The following KIF5C variants were observed in gnomAD, a reference collection of about 807,000 sequenced individuals.
KIF5C encodes the protein kinesin family member 5C, also known as kinesin heavy chain isoform 5C.
In KIF5C, 18 loss-of-function variants were observed where a neutral mutation model predicts 125.2. The observed-to-expected ratio is 0.14, with a 90% CI of 0.10 to 0.21. The LOEUF is 0.21. KIF5C is among the 10% of genes least tolerant of loss of function. The pLI is 1.00. For synonymous variants in KIF5C, 405 were observed against 434.0 expected (o/e 0.93, Z 0.83); for missense variants, 780 against 1,183.8 (o/e 0.66, Z 5.01).
intron 11 of KIF5C, among the ~76,000 whole-genome samples, chr2:148,962,426 A>G: frequency 6.7e-6 from 1 of 150,168 alleles, no homozygotes; most frequent in East Asian, 2.0e-4. Context: ...TGATCCACCC[A>G]CCTTGGCCTC....
intron 23 of KIF5C, among the ~76,000 whole-genome samples, chr2:149,008,711 G>A (rs1271417337): frequency 2.6e-5 from 4 of 152,184 alleles, no homozygotes; most frequent in African/African-American, 9.7e-5. Context: ...GTGCATGGCT[G>A]TTTTCCCTCT....
chr2:148,936,364 G>C (rs1245081874), intron 3 of KIF5C, among the ~76,000 whole-genome samples: 1 of 152,222 alleles, frequency 6.6e-6, no homozygotes, highest in South Asian at 2.1e-4. Context: ...CCTGCAGACT[G>C]TGTGTTTGTT....
At chr2:148,986,447 C>G (rs905715286) in intron 15 of KIF5C, among the ~76,000 whole-genome samples, 11 of 152,066 alleles carry the variant, frequency 7.2e-5, no homozygotes, top group African/African-American at 2.7e-4. Flanking sequence ...GACTGTACTT[C>G]TTTGGGCTTC....
intron 7 of KIF5C, 63 bp downstream of exon 7, chr2:148,942,823 G>A (rs1356967957): frequency 2.7e-5 from 43 of 1,563,912 alleles, no homozygotes; most frequent in African/African-American, 6.8e-5. Flanking sequence ...CCCACCAACC[G>A]AGGGGGGTGG....
At chr2:148,929,487 G>A (rs1682122067) in intron 3 of KIF5C, 133 bp downstream of exon 3, 7 of 610,256 alleles carry the variant, frequency 1.1e-5, no homozygotes, top group Admixed American at 3.2e-5. Context: ...AATTAATTAT[G>A]TCTTTGAGAA....
At chr2:148,898,373 G>T (rs774611239) in intron 1 of KIF5C, among the ~76,000 whole-genome samples, 32 of 152,220 alleles carry the variant, frequency 2.1e-4, no homozygotes, top group Non-Finnish European at 4.7e-4. Flanking sequence ...TTCCTCTGTA[G>T]TAGGCAGAAT....
chr2:148,963,559 A>T (rs1682979198), intron 11 of KIF5C, among the ~76,000 whole-genome samples: 1 of 152,214 alleles, frequency 6.6e-6, no homozygotes, highest in African/African-American at 2.4e-5. Flanking sequence ...TTGGAAAGCT[A>T]CTAGAATAAT....
rs936886638 is a variant in KIF5C at position 148,973,622 on chromosome 2, T to G, written c.1293+111T>G. ...CTACAGCCCGATCTTTGTTTCTGGT[T>G]TCCTAATACCTACCCTAGCACTTTG... is the stretch of plus-strand genomic sequence containing the variant. On this transcript the variant is annotated intron_variant, in intron 12 of 25. Coordinates refer to ENST00000435030, the MANE Select transcript of KIF5C (RefSeq NM_004522.3). 6 of 1,402,278 alleles carry G rather than the reference T, an allele frequency of 4.3e-6. No homozygotes were observed. The African/African-American group carries it at 7.3e-5, about 17-fold the overall frequency. 86.9% of individuals were successfully genotyped at this position (1,402,278 alleles called of 1,614,324 possible).
At chr2:148,899,521 G>C (rs188184490) in intron 1 of KIF5C, among the ~76,000 whole-genome samples, 1 of 151,676 alleles carries the variant, frequency 6.6e-6, no homozygotes, top group African/African-American at 2.4e-5. Flanking sequence ...GGCCAACATG[G>C]CAAAACCCCA....
chr2:148,923,662 T>G (rs1681880618), intron 2 of KIF5C, among the ~76,000 whole-genome samples: 1 of 152,188 alleles, frequency 6.6e-6, no homozygotes, highest in Admixed American at 6.5e-5. Flanking sequence ...AAATTTCTTT[T>G]TCTCTCCCCC....
chr2:149,020,351 T>A (rs1358965235), intron 25 of KIF5C: 1 of 152,190 alleles, frequency 6.6e-6, no homozygotes, highest in Non-Finnish European at 1.5e-5. Context: ...AGAGTTCCTG[T>A]GCTTTTCCTC....
chr2:148,887,982 C>A (rs1681593363), intron 1 of KIF5C, among the ~76,000 whole-genome samples: 1 of 152,244 alleles, frequency 6.6e-6, no homozygotes, highest in Admixed American at 6.5e-5. Context: ...GCAAGGGCTG[C>A]GACCCCGCGG....
At chr2:149,011,204 C>T (rs1451260683) in intron 24 of KIF5C, among the ~76,000 whole-genome samples, 2 of 152,172 alleles carry the variant, frequency 1.3e-5, no homozygotes, top group Non-Finnish European at 2.9e-5. Flanking sequence ...CCCCAGAAAA[C>T]AGCATCACAG....
chr2:148,989,652 T>A (rs111304448), intron 15 of KIF5C, among the ~76,000 whole-genome samples: 3,698 of 152,300 alleles, frequency 0.024, 137 homozygotes, highest in African/African-American at 0.078. Flanking sequence ...ACATCTATTT[T>A]TTTTTATTTT....
intron 21 of KIF5C, among the ~76,000 whole-genome samples, chr2:149,003,106 C>T (rs901560251): frequency 3.9e-5 from 6 of 152,230 alleles, no homozygotes; most frequent in Non-Finnish European, 7.3e-5. Context: ...GCATCAAATG[C>T]ACACTTTAAA....
chr2:148,937,946 G>C (rs1026366569), intron 4 of KIF5C, among the ~76,000 whole-genome samples: 1 of 152,198 alleles, frequency 6.6e-6, no homozygotes, highest in African/African-American at 2.4e-5. Flanking sequence ...GTGTCACAGA[G>C]CAGAACTCTG....
intron 25 of KIF5C, among the ~76,000 whole-genome samples, chr2:149,013,408 T>C (rs1682269690): frequency 1.3e-5 from 2 of 152,166 alleles, no homozygotes; most frequent in South Asian, 2.1e-4. Flanking sequence ...TGAAGCCCCA[T>C]GCAATGCTGA....
At chr2:149,014,347 A>G (rs747866031) in intron 25 of KIF5C, among the ~76,000 whole-genome samples, 1 of 152,150 alleles carries the variant, frequency 6.6e-6, no homozygotes, top group Non-Finnish European at 1.5e-5. Context: ...TCTTTACTCA[A>G]AGTGTTACAA....
At chr2:148,966,404 A>G (rs1683051637) in intron 11 of KIF5C, among the ~76,000 whole-genome samples, 1 of 152,034 alleles carries the variant, frequency 6.6e-6, no homozygotes, top group South Asian at 2.1e-4. Context: ...TTGCTGTTAC[A>G]TAGAATGAAG....
Sources: gnomAD v4.1 joint callset for allele counts (sites outside exome capture counted in the v4.1 genomes callset) on GRCh38, gnomAD v4.1.1 for gene constraint, MANE v1.5 for transcripts, NCBI Gene and HGNC (gene_info 2026-07-23, HGNC 2026-07-21) for gene names.